Variants in HSD17B2 observed in about 807,000 individuals in gnomAD.
HSD17B2 encodes hydroxysteroid 17-beta dehydrogenase 2.
A neutral mutation model predicts 26.9 loss-of-function variants in HSD17B2; 32 were observed. That is an observed-to-expected ratio of 1.19 (90% CI 0.90 to 1.60). The LOEUF is 1.60. Ranked by LOEUF, HSD17B2 falls within the 40% of genes most tolerant of loss-of-function variation. The pLI, the probability that HSD17B2 is intolerant of heterozygous loss-of-function variation, is 0.00. For missense variants in HSD17B2, 613 were observed against 468.6 expected, an observed-to-expected ratio of 1.31 and a Z score of -2.85; for synonymous variants, 246 against 186.7, an observed-to-expected ratio of 1.32 and a Z score of -2.59.
chr16:82,064,459 C>T (rs1168541829), intron 1 of HSD17B2, among the ~76,000 whole-genome samples: 2 of 152,100 alleles, frequency 1.3e-5, no homozygotes, highest in Non-Finnish European at 2.9e-5. Context: ...AATAATGCTG[C>T]TATGAACATT....
At chr16:82,052,327 T>C (rs1324649888) in intron 1 of HSD17B2, 1 of 152,230 alleles carries the variant, frequency 6.6e-6, no homozygotes, top group Non-Finnish European at 1.5e-5. Flanking sequence ...CCCAGGCCTT[T>C]GCAAATAATG....
At chr16:82,066,742 A>G (rs1307854039) in intron 1 of HSD17B2, among the ~76,000 whole-genome samples, 1 of 152,072 alleles carries the variant, frequency 6.6e-6, no homozygotes. Flanking sequence ...ATTAATTATT[A>G]TTATACTGCA....
chr16:82,062,707 G>A (rs1914473662), intron 1 of HSD17B2, among the ~76,000 whole-genome samples: 1 of 152,208 alleles, frequency 6.6e-6, no homozygotes, highest in Non-Finnish European at 1.5e-5. Flanking sequence ...TGAACTAGCT[G>A]GAACTTGGTA....
chr16:82,076,636 G>C (rs550447722), intron 3 of HSD17B2, among the ~76,000 whole-genome samples: 40 of 152,308 alleles, frequency 2.6e-4, no homozygotes, highest in Admixed American at 9.8e-4. Flanking sequence ...GTGCAGTGGC[G>C]TGATCTCGGC....
chr16:82,068,048 C>A (rs779371484), intron 1 of HSD17B2, 122 bp from the exon 2 acceptor site: 17 of 848,616 alleles, frequency 2.0e-5, no homozygotes, highest in Non-Finnish European at 2.8e-5. Context: ...GAAACTTCCT[C>A]AGGAACCCCT....
intron 3 of HSD17B2, among the ~76,000 whole-genome samples, chr16:82,081,066 T>C (rs1458234080): frequency 6.6e-6 from 1 of 152,032 alleles, no homozygotes; most frequent in Non-Finnish European, 1.5e-5. Flanking sequence ...CATCTTTCCC[T>C]CTCCTTCCTT....
rs147239529 is a variant in HSD17B2, at chr16:82,080,145, G to T, written c.664+9018G>T. Among the ~76,000 whole-genome samples, 67 of 152,332 alleles carry T rather than the reference G, an allele frequency of 4.4e-4. 2 individuals carry two copies. Among genetic ancestry groups the T allele is most frequent in the African/African-American group, 1.6e-3 (66 of 41,556 alleles). On this transcript the variant is annotated intron_variant, in intron 3 of 4. Transcript: ENST00000199936. ...GACTCTGTTCCAGTTATTCATTGCT[G>T]CAGAGTAAATAACCCTGAAGAAACT...
rs368699812 is a variant in HSD17B2 at position 82,090,947 on chromosome 16, C to A, written c.710C>A (p.Ala237Glu). 6.2e-7 allele frequency: 1 copy of A among 1,613,764 alleles called. No homozygotes were observed. Among genetic ancestry groups the A allele is most frequent in the Non-Finnish European group, 8.5e-7 (1 of 1,179,838 alleles). Reference sequence around the variant, plus strand: ...CTGGCATCTTATGGCTCATCAAAGGCGGCTGTGACCATGTTCTCATCAGTT... The same window carrying A: ...CTGGCATCTTATGGCTCATCAAAGGAGGCTGTGACCATGTTCTCATCAGTT... Reference protein sequence around the residue: ...ERLASYGSSKAAVTMFSSVMR... With the variant: ...ERLASYGSSKEAVTMFSSVMR... Residue 237 changes from alanine (A) to glutamate (E), a missense_variant, in exon 4 of 5, where the codon GCG (alanine) becomes GAG (glutamate). Ala to Glu is a moderately radical substitution (Grantham distance 107, BLOSUM62 -1). Coordinates refer to ENST00000199936, the MANE Select transcript of HSD17B2 (RefSeq NM_002153.3).
rs1334794122 is a variant in HSD17B2, at chr16:82,088,709, C to T, written c.665-2193C>T. The stretch of plus-strand genomic sequence containing the variant: ...AGTTGGATTTCAAACGCTAAGATTT[C>T]ATGAAACTATAAATCACTTACATAA... On this transcript the variant is annotated intron_variant, in intron 3 of 4. Transcript: ENST00000199936. 5.3e-5 allele frequency among the ~76,000 whole-genome samples: 8 copies of T among 152,322 alleles called. No homozygotes were observed. The South Asian group carries it at 1.5e-3, about 28-fold the overall frequency.
In HSD17B2 at chr16:82,090,670, T is replaced by G. The variant is rs8191220; in HGVS notation, c.665-232T>G. Among the ~76,000 whole-genome samples, 3 of 152,200 alleles carry G rather than the reference T, an allele frequency of 2.0e-5. No individual in the cohort carries two copies. The South Asian group carries it at 6.2e-4, about 32-fold the overall frequency. On this transcript the variant is annotated intron_variant, in intron 3 of 4. Transcript: ENST00000199936. ...GACAAGATTGAGCCTTCAACTTGGT[T>G]TGTCATCATACCAGCTGCAATAGGG...
Position 82,098,525 on chromosome 16 carries a change from C to T in HSD17B2, c.*89C>T, listed in dbSNP as rs879326738. The T allele has an allele frequency of 5.1e-6, 7 of 1,384,720 alleles. No homozygotes were observed. The African/African-American group carries it at 5.8e-5, about 11-fold the overall frequency. 85.8% of individuals were successfully genotyped at this position (1,384,720 alleles called of 1,614,324 possible). A position where few individuals can be genotyped will look rare whatever the true frequency, so the allele number is the denominator to read the frequency against. The stretch of plus-strand genomic sequence containing the variant: ...CTGGGTTTCTCATTAAAGTTGTTTC[C>T]CACTCTGTATTCTCTGTGAAATTCA... On this transcript the variant is annotated 3_prime_UTR_variant, in exon 5 of 5. Coordinates refer to ENST00000199936, the MANE Select transcript of HSD17B2 (RefSeq NM_002153.3).
chr16:82,078,830 A>T (rs1055501818), intron 3 of HSD17B2, among the ~76,000 whole-genome samples: 4 of 152,200 alleles, frequency 2.6e-5, no homozygotes, highest in African/African-American at 9.6e-5. Context: ...AAAACAATTG[A>T]ACTCATGGAG....
Position 82,090,968 on chromosome 16 carries a change from C to A in HSD17B2, c.731C>A (p.Ser244Ter). The stretch of plus-strand genomic sequence containing the variant: ...AAGGCGGCTGTGACCATGTTCTCAT[C>A]AGTTATGAGACTGGAGCTTTCCAAG... ...SSKAAVTMFS[S>*]VMRLELSKWG... The change falls in exon 4 of 5, where the codon TCA (serine) becomes TAA (stop). Residue 244 changes from serine to a stop codon, truncating the protein, a stop_gained. Transcript: ENST00000199936. LOFTEE classifies it high-confidence loss of function. 1 of 1,613,344 alleles carries A rather than the reference C, an allele frequency of 6.2e-7. No individual in the cohort carries two copies. Among genetic ancestry groups the A allele is most frequent in the Non-Finnish European group, 8.5e-7 (1 of 1,179,272 alleles).
chr16:82,095,954 G>C (rs190249398), intron 4 of HSD17B2: 2 of 152,118 alleles, frequency 1.3e-5, no homozygotes, highest in African/African-American at 4.8e-5. Context: ...CCTTAGAGGA[G>C]ATTAATTTTA....
intron 3 of HSD17B2, among the ~76,000 whole-genome samples, chr16:82,075,610 G>C (rs891886624): frequency 6.6e-6 from 1 of 152,008 alleles, no homozygotes; most frequent in Non-Finnish European, 1.5e-5. Context: ...CAATAAATTG[G>C]AGAACCTAGA....
intron 4 of HSD17B2, chr16:82,094,887 G>T (rs1252158341): frequency 6.6e-6 from 1 of 152,188 alleles, no homozygotes; most frequent in Non-Finnish European, 1.5e-5. Flanking sequence ...TGAGAAAATG[G>T]AGGCTCAGAG....
chr16:82,084,557 AT>A (rs139197622), intron 3 of HSD17B2, among the ~76,000 whole-genome samples: 5 of 151,660 alleles, frequency 3.3e-5, no homozygotes, highest in East Asian at 1.9e-4. Flanking sequence ...TTTTATTATT[AT>A]TTTTTTTATT....
At chr16:82,094,573 G>A (rs1427063288) in intron 4 of HSD17B2, 1 of 152,158 alleles carries the variant, frequency 6.6e-6, no homozygotes, top group Non-Finnish European at 1.5e-5. Context: ...CCAGTTTAAA[G>A]CTATTTGATG....
At chr16:82,049,619 G>A (rs1432527981) in intron 1 of HSD17B2, among the ~76,000 whole-genome samples, 2 of 152,222 alleles carry the variant, frequency 1.3e-5, no homozygotes, top group African/African-American at 2.4e-5. Context: ...AAGAATGAAA[G>A]AGAGGAAACA....
Sources: allele counts gnomAD v4.1 joint callset (sites outside exome capture counted in the v4.1 genomes callset), GRCh38; gene constraint gnomAD v4.1.1; transcripts MANE v1.5; gene names NCBI Gene and HGNC (gene_info 2026-07-23, HGNC 2026-07-21).